Variants in SLC4A10 observed in about 807,000 individuals in gnomAD.
The protein encoded by SLC4A10 is sodium-driven chloride bicarbonate exchanger.
A neutral mutation model predicts 137.7 loss-of-function variants in SLC4A10; 42 were observed. The observed-to-expected ratio is 0.30, with a 90% CI of 0.24 to 0.39. The LOEUF is 0.39. Among genes scored for constraint, SLC4A10 ranks in the 10% least tolerant of loss-of-function variants. The pLI, the probability that SLC4A10 is intolerant of heterozygous loss-of-function variation, is 1.00. For synonymous variants in SLC4A10, 474 were observed against 464.1 expected (o/e 1.02, Z -0.27); for missense variants, 925 against 1,355.0 (o/e 0.68, Z 4.98).
chr2:161,728,248 T>G (rs1284898929), intron 1 of SLC4A10, among the ~76,000 whole-genome samples: 1 of 152,158 alleles, frequency 6.6e-6, no homozygotes, highest in Non-Finnish European at 1.5e-5. Context: ...AGTCCTAAAC[T>G]GAATTCACAG....
At chr2:161,706,881 T>C (rs573917415) in intron 1 of SLC4A10, among the ~76,000 whole-genome samples, 1 of 151,722 alleles carries the variant, frequency 6.6e-6, no homozygotes, top group African/African-American at 2.4e-5. Flanking sequence ...CATGTCAACT[T>C]TTAATTCTTC....
intron 1 of SLC4A10, among the ~76,000 whole-genome samples, chr2:161,736,700 C>G (rs1008700717): frequency 5.3e-5 from 8 of 152,244 alleles, no homozygotes; most frequent in African/African-American, 1.7e-4. Context: ...TCCCATGACA[C>G]ATGGGGATCA....
Position 161,839,940 on chromosome 2 carries a change from G to A in SLC4A10, c.416+13G>A. Reference sequence around the variant, plus strand: ...GAGAAACAGCCAGGTGAGGATTTTTGTTAAAGGGTGAAGGTATACTAAAGA... The same window carrying A: ...GAGAAACAGCCAGGTGAGGATTTTTATTAAAGGGTGAAGGTATACTAAAGA... On this transcript the variant is annotated intron_variant, in intron 4 of 26. Coordinates refer to ENST00000446997, the MANE Select transcript of SLC4A10 (RefSeq NM_001178015.2). The A allele has an allele frequency of 6.2e-7, 1 of 1,613,714 alleles. No individual in the cohort carries two copies. The highest frequency in any genetic ancestry group is 1.3e-5 in the African/African-American group (1 of 75,012).
At chr2:161,919,861 T>C (rs1687797025) in intron 15 of SLC4A10, among the ~76,000 whole-genome samples, 1 of 152,160 alleles carries the variant, frequency 6.6e-6, no homozygotes. Context: ...AGTCCAGACC[T>C]AGGAGTTCTC....
chr2:161,674,508 T>C (rs147452245), intron 1 of SLC4A10, among the ~76,000 whole-genome samples: 1 of 152,340 alleles, frequency 6.6e-6, no homozygotes, highest in African/African-American at 2.4e-5. Context: ...TTTAGCATTA[T>C]CATCTTTCTG....
intron 1 of SLC4A10, among the ~76,000 whole-genome samples, chr2:161,711,450 G>A (rs2044279053): frequency 6.6e-6 from 1 of 151,810 alleles, no homozygotes; most frequent in African/African-American, 2.4e-5. Flanking sequence ...ATTTACCTCA[G>A]GTTCTGAGAA....
intron 1 of SLC4A10, among the ~76,000 whole-genome samples, chr2:161,659,885 T>G (rs2038063764): frequency 6.6e-6 from 1 of 152,106 alleles, no homozygotes; most frequent in South Asian, 2.1e-4. Flanking sequence ...TTATGTTAAG[T>G]GAAAGAAGCC....
chr2:161,724,392 A>G (rs760026929), intron 1 of SLC4A10, among the ~76,000 whole-genome samples: 51 of 152,182 alleles, frequency 3.4e-4, no homozygotes, highest in Admixed American at 8.5e-4. Context: ...ATACCCTTCA[A>G]TCACTTCATC....
chr2:161,872,348 T>A lies in SLC4A10; in HGVS notation c.822T>A (p.Asp274Glu), dbSNP rs761718725. The change falls in exon 7 of 27, where the codon GAT (aspartate) becomes GAA (glutamate). Residue 274 changes from aspartate to glutamate, a missense_variant. Coordinates refer to ENST00000446997, the MANE Select transcript of SLC4A10 (RefSeq NM_001178015.2). ...SAPACVENKN[D>E]VSRENSTVDF... Reference sequence around the variant, plus strand: ...CAGCCTGTGTTGAAAATAAAAATGATGTTAGCAGAGAAAACAGCACTGTTG... The same window carrying A: ...CAGCCTGTGTTGAAAATAAAAATGAAGTTAGCAGAGAAAACAGCACTGTTG... The A allele has an allele frequency of 1.9e-6, 3 of 1,613,596 alleles. No individual in the cohort carries two copies. Among genetic ancestry groups the A allele is most frequent in the East Asian group, 2.2e-5 (1 of 44,822 alleles).
At chr2:161,645,056 AT>A (rs1162186056) in intron 1 of SLC4A10, among the ~76,000 whole-genome samples, 1 of 152,148 alleles carries the variant, frequency 6.6e-6, no homozygotes, top group Non-Finnish European at 1.5e-5. Context: ...AGCAAAAGCA[AT>A]TGAGAATTGG....
intron 2 of SLC4A10, among the ~76,000 whole-genome samples, chr2:161,789,785 T>C (rs767540845): frequency 5.9e-5 from 9 of 152,134 alleles, no homozygotes; most frequent in Non-Finnish European, 1.0e-4. Context: ...GAAGGATAAA[T>C]AGGAGTTCAG....
intron 1 of SLC4A10, among the ~76,000 whole-genome samples, chr2:161,691,619 A>C (rs990279435): frequency 6.6e-6 from 1 of 152,100 alleles, no homozygotes; most frequent in African/African-American, 2.4e-5. Context: ...ATTAAAAATT[A>C]ATATTGTCAT....
At chr2:161,770,038 C>A (rs903320342) in intron 1 of SLC4A10, among the ~76,000 whole-genome samples, 2 of 151,936 alleles carry the variant, frequency 1.3e-5, no homozygotes, top group South Asian at 2.1e-4. Flanking sequence ...GAAACAAAAA[C>A]CTTTTTTCTA....
intron 12 of SLC4A10, chr2:161,901,945 T>C (rs1038052041): frequency 9.6e-6 from 4 of 416,008 alleles, no homozygotes; most frequent in Non-Finnish European, 1.9e-5. Flanking sequence ...GTATTTTTTT[T>C]CTCTTTCTCA....
chr2:161,839,994 C>T, intron 4 of SLC4A10, 67 bp downstream of exon 4: 1 of 1,587,102 alleles, frequency 6.3e-7, no homozygotes, highest in South Asian at 1.1e-5. Context: ...AAAGAGATTT[C>T]TAATGCAACA....
rs551286489 is a variant in SLC4A10 at position 161,766,491 on chromosome 2, T to C, written c.49-4482T>C. Among the ~76,000 whole-genome samples, 371 of 152,284 alleles carry C rather than the reference T, an allele frequency of 2.4e-3. 3 individuals carry two copies. Among genetic ancestry groups the C allele is most frequent in the Middle Eastern group, 0.02 (6 of 294 alleles). On this transcript the variant is annotated intron_variant, in intron 1 of 26. Coordinates refer to ENST00000446997, the MANE Select transcript of SLC4A10 (RefSeq NM_001178015.2). ...CATTTTGCAGTTGTTTTTAAGAGAC[T>C]GCCATTGTAAGACACAGTGGAATAG...
chr2:161,893,161 G>T (rs72865220), intron 10 of SLC4A10, among the ~76,000 whole-genome samples: 10,411 of 152,070 alleles, frequency 0.068, 459 homozygotes, highest in East Asian at 0.13. Context: ...GATCCAAATA[G>T]CAAAGAAGGC....
At chr2:161,945,277 G>C (rs1260627300) in intron 16 of SLC4A10, among the ~76,000 whole-genome samples, 1 of 138,224 alleles carries the variant, frequency 7.2e-6, no homozygotes, top group Non-Finnish European at 1.5e-5. Context: ...GAAATCCTTA[G>C]GCAAGATTTA....
chr2:161,766,798 G>A (rs1425662656), intron 1 of SLC4A10, among the ~76,000 whole-genome samples: 1 of 151,212 alleles, frequency 6.6e-6, no homozygotes, highest in East Asian at 1.9e-4. Flanking sequence ...GAAGAGCAAA[G>A]CAATGGCTGT....
Sources: gnomAD v4.1 joint callset for allele counts (sites outside exome capture counted in the v4.1 genomes callset) on GRCh38, gnomAD v4.1.1 for gene constraint, MANE v1.5 for transcripts, NCBI Gene and HGNC (gene_info 2026-07-23, HGNC 2026-07-21) for gene names.